The following SPATA6 variants were observed in gnomAD, a reference collection of about 807,000 sequenced individuals.
The protein encoded by SPATA6 is spermatogenesis associated 6.
In SPATA6, 56 loss-of-function variants were observed where a neutral mutation model predicts 65.3. The observed-to-expected ratio is 0.86, with a 90% CI of 0.69 to 1.07. The LOEUF is 1.07. SPATA6 is among the 50% of genes least tolerant of loss of function. The pLI is 0.00. For missense variants in SPATA6, 590 were observed against 594.8 expected, an observed-to-expected ratio of 0.99 and a Z score of 0.08; for synonymous variants, 199 against 213.2, an observed-to-expected ratio of 0.93 and a Z score of 0.58.
chr1:48,464,648 A>G (rs1263285882), intron 1 of SPATA6, among the ~76,000 whole-genome samples: 2 of 152,156 alleles, frequency 1.3e-5, no homozygotes, highest in Non-Finnish European at 2.9e-5. Flanking sequence ...GGTTAGACAT[A>G]AAAGAATTCA....
chr1:48,350,384 T>A (rs1646484022), intron 11 of SPATA6, among the ~76,000 whole-genome samples: 2 of 151,748 alleles, frequency 1.3e-5, no homozygotes, highest in Admixed American at 1.3e-4. Flanking sequence ...TTGTGGCCTT[T>A]TTTCTTTCTC....
At chr1:48,451,117 A>C (rs1189532275) in intron 3 of SPATA6, among the ~76,000 whole-genome samples, 1 of 152,218 alleles carries the variant, frequency 6.6e-6, no homozygotes, top group Non-Finnish European at 1.5e-5. Context: ...TAATGAATGC[A>C]ATGTAAAGTG....
chr1:48,407,410 C>T (rs1204557785), intron 5 of SPATA6, among the ~76,000 whole-genome samples: 1 of 152,164 alleles, frequency 6.6e-6, no homozygotes, highest in Non-Finnish European at 1.5e-5. Context: ...CCAGTTAGAG[C>T]TCTGCCTAGC....
chr1:48,331,786 T>C (rs1318764979), intron 11 of SPATA6, among the ~76,000 whole-genome samples: 1 of 151,966 alleles, frequency 6.6e-6, no homozygotes, highest in East Asian at 1.9e-4. Flanking sequence ...CACTCCAAGG[T>C]TGAAATGAAA....
chr1:48,272,923 A>T, the SPATA6 span, among the ~76,000 whole-genome samples: 1 of 152,050 alleles, frequency 6.6e-6, no homozygotes, highest in Non-Finnish European at 1.5e-5. Flanking sequence ...GGCCTTTTGA[A>T]TTCCTTCTTT....
chr1:48,300,991 A>C (rs558059988), intron 12 of SPATA6, among the ~76,000 whole-genome samples: 2 of 152,200 alleles, frequency 1.3e-5, no homozygotes, highest in Non-Finnish European at 2.9e-5. Context: ...CAGGACAAAG[A>C]TGCCCACTTT....
the SPATA6 span, among the ~76,000 whole-genome samples, chr1:48,286,159 T>C: frequency 6.6e-6 from 1 of 152,242 alleles, no homozygotes; most frequent in East Asian, 1.9e-4. Context: ...TTTGGGGACA[T>C]TTTTAGTTTC....
chr1:48,363,493 T>G (rs1646882316), intron 9 of SPATA6, among the ~76,000 whole-genome samples: 1 of 152,122 alleles, frequency 6.6e-6, no homozygotes, highest in South Asian at 2.1e-4. Flanking sequence ...TATTACAGAT[T>G]TGACACAAAA....
intron 11 of SPATA6, among the ~76,000 whole-genome samples, chr1:48,323,547 C>A (rs1372915138): frequency 2.0e-5 from 3 of 151,022 alleles, no homozygotes; most frequent in Admixed American, 6.6e-5. Context: ...TGCACATCTA[C>A]CACAGAACTT....
In SPATA6 at chr1:48,440,906, AAG is replaced by A. The variant is rs1655400676; in HGVS notation, c.238+10644_238+10645del. On this transcript the variant is annotated intron_variant, in intron 3 of 12. Transcript: ENST00000371847. ...ACCAAGAGAACAGGCCAAAAAGGAA[AAG>A]AGAGATCAGACAAAGGCCACAGCCT... 2.0e-5 allele frequency among the ~76,000 whole-genome samples: 3 copies of A among 152,296 alleles called. No individual in the cohort carries two copies. In the South Asian group the frequency reaches 6.2e-4, roughly 32 times the overall value.
intron 11 of SPATA6, among the ~76,000 whole-genome samples, chr1:48,317,879 T>G (rs1645485744): frequency 6.6e-6 from 1 of 152,144 alleles, no homozygotes; most frequent in Non-Finnish European, 1.5e-5. Flanking sequence ...AACCAATACA[T>G]TTTATGAATA....
chr1:48,355,692 T>C lies in SPATA6; in HGVS notation c.1172A>G (p.Gln391Arg). 6.2e-7 allele frequency: 1 copy of C among 1,612,862 alleles called. No individual in the cohort carries two copies. Among genetic ancestry groups the C allele is most frequent in the Non-Finnish European group, 8.5e-7 (1 of 1,179,234 alleles). Residue 391 changes from glutamine (Q) to arginine (R), a missense_variant, in exon 11 of 13, where the codon CAG becomes CGG. By Grantham distance (43) the Gln-to-Arg change is conservative (BLOSUM62 1). Coordinates refer to ENST00000371847, the MANE Select transcript of SPATA6 (RefSeq NM_019073.4). ...AACATATAAATGTCTTTGATGAGCCTGATGTGATTTCAAGACATTTTTTAC... is the reference window on the plus strand; with the variant it reads ...AACATATAAATGTCTTTGATGAGCCCGATGTGATTTCAAGACATTTTTTAC... ...DRVKNVLKSHQAHQRHLYDER... is the reference protein window; with the variant it reads ...DRVKNVLKSHRAHQRHLYDER...
chr1:48,261,629 A>G, the SPATA6 span, among the ~76,000 whole-genome samples: 3 of 152,228 alleles, frequency 2.0e-5, no homozygotes, highest in South Asian at 6.2e-4. Flanking sequence ...GAGTCAGACC[A>G]TCCTGCAGAG....
intron 3 of SPATA6, among the ~76,000 whole-genome samples, chr1:48,418,051 C>T (rs1389724811): frequency 6.6e-6 from 1 of 151,990 alleles, no homozygotes; most frequent in African/African-American, 2.4e-5. Context: ...AACAAAGGGT[C>T]TGTATTTTAT....
At position 48,399,983 on chromosome 1, in the gene SPATA6, C is replaced by G. The variant is rs537445362; in HGVS notation, c.487-339G>C. On this transcript the variant is annotated intron_variant, in intron 6 of 12. Coordinates refer to ENST00000371847, the MANE Select transcript of SPATA6 (RefSeq NM_019073.4). The stretch of plus-strand genomic sequence containing the variant: ...ACTAAAAAAGTGCAAACATTGGTTA[C>G]ATATATATTTAAATATTCGTGTAAT... Among the ~76,000 whole-genome samples, 4 of 151,854 alleles carry G rather than the reference C, an allele frequency of 2.6e-5. No homozygotes were observed. In the South Asian group the frequency reaches 8.3e-4, roughly 32 times the overall value.
chr1:48,346,165 G>T (rs987506536), intron 11 of SPATA6, among the ~76,000 whole-genome samples: 2 of 152,078 alleles, frequency 1.3e-5, no homozygotes, highest in African/African-American at 2.4e-5. Flanking sequence ...AAGGTGCAAG[G>T]TTGGTTCAAC....
chr1:48,461,883 A>G (rs1420735777), intron 1 of SPATA6, among the ~76,000 whole-genome samples: 1 of 152,236 alleles, frequency 6.6e-6, no homozygotes, highest in Non-Finnish European at 1.5e-5. Flanking sequence ...TGCTGTAAAG[A>G]CACATGCACA....
intron 3 of SPATA6, among the ~76,000 whole-genome samples, chr1:48,423,818 A>T (rs147933406): frequency 0.021 from 3,190 of 152,136 alleles, 56 homozygotes; most frequent in Non-Finnish European, 0.035. Flanking sequence ...AAGTGCTGAG[A>T]TTACAGGCAT....
At chr1:48,395,791 T>C (rs1330515317) in intron 7 of SPATA6, among the ~76,000 whole-genome samples, 3 of 151,860 alleles carry the variant, frequency 2.0e-5, no homozygotes, top group Admixed American at 6.6e-5. Context: ...CTCAGTGATC[T>C]ATAGCTTAAT....
Sources: allele counts gnomAD v4.1 joint callset (sites outside exome capture counted in the v4.1 genomes callset), GRCh38; gene constraint gnomAD v4.1.1; transcripts MANE v1.5; gene names NCBI Gene and HGNC (gene_info 2026-07-23, HGNC 2026-07-21).